TGFBR3: variants seen among roughly 807,000 people sequenced by gnomAD.
TGFBR3 encodes the protein transforming growth factor beta receptor type 3.
A neutral mutation model predicts 87.9 loss-of-function variants in TGFBR3; 46 were observed. That is an observed-to-expected ratio of 0.52 (90% CI 0.41 to 0.67). The LOEUF is 0.67. Among genes scored for constraint, TGFBR3 ranks in the 30% least tolerant of loss-of-function variants. The pLI is 0.00. For missense variants in TGFBR3, 866 were observed against 1,041.9 expected, an observed-to-expected ratio of 0.83 and a Z score of 2.32; for synonymous variants, 381 against 391.6, an observed-to-expected ratio of 0.97 and a Z score of 0.32.
intron 3 of TGFBR3, among the ~76,000 whole-genome samples, chr1:91,764,229 A>C (rs1674078997): frequency 6.6e-6 from 1 of 151,228 alleles, no homozygotes; most frequent in Non-Finnish European, 1.5e-5. Context: ...AGTCTATTTC[A>C]AAACTAATCT....
chr1:91,729,198 A>ACCC (rs1672669834), intron 6 of TGFBR3, among the ~76,000 whole-genome samples: 1 of 96,838 alleles, frequency 1.0e-5, no homozygotes, highest in Non-Finnish European at 2.4e-5. Context: ...CACACACACC[A>ACCC]AGCACACAAG....
chr1:91,686,247 A>G (rs971386582), intron 16 of TGFBR3, among the ~76,000 whole-genome samples: 1 of 152,188 alleles, frequency 6.6e-6, no homozygotes, highest in Admixed American at 6.5e-5. Flanking sequence ...ATTTGTTGCC[A>G]TGTCAGTTTA....
chr1:91,773,330 T>C (rs1674450884), intron 3 of TGFBR3, among the ~76,000 whole-genome samples: 2 of 152,064 alleles, frequency 1.3e-5, no homozygotes, highest in Non-Finnish European at 2.9e-5. Flanking sequence ...TGGCCACCTA[T>C]AAATCTAGAG....
At chr1:91,827,282 A>T (rs1428602415) in intron 2 of TGFBR3, among the ~76,000 whole-genome samples, 1 of 152,188 alleles carries the variant, frequency 6.6e-6, no homozygotes, top group Non-Finnish European at 1.5e-5. Flanking sequence ...CGGTTACGAC[A>T]TGGAATGGTA....
intron 5 of TGFBR3, among the ~76,000 whole-genome samples, chr1:91,734,420 T>A (rs1672884765): frequency 6.6e-6 from 1 of 152,226 alleles, no homozygotes; most frequent in African/African-American, 2.4e-5. Context: ...CTGCCAGCTC[T>A]TCCACTCCAT....
intron 14 of TGFBR3, among the ~76,000 whole-genome samples, chr1:91,706,764 T>A (rs1036726706): frequency 6.6e-6 from 1 of 152,224 alleles, no homozygotes; most frequent in African/African-American, 2.4e-5. Context: ...GAACCCTCTA[T>A]TGGGGTCTGA....
chr1:91,850,618 A>G (rs1288592362), intron 2 of TGFBR3, among the ~76,000 whole-genome samples: 1 of 151,972 alleles, frequency 6.6e-6, no homozygotes, highest in Non-Finnish European at 1.5e-5. Context: ...TCATCTCTAT[A>G]AAAGATCACA....
chr1:91,891,850 T>G (rs1679458378), intron 2 of TGFBR3, among the ~76,000 whole-genome samples: 1 of 152,240 alleles, frequency 6.6e-6, no homozygotes, highest in Non-Finnish European at 1.5e-5. Flanking sequence ...GTGTTTTATT[T>G]CATCATAACC....
intron 4 of TGFBR3, among the ~76,000 whole-genome samples, chr1:91,745,989 A>G (rs1673332718): frequency 6.6e-6 from 1 of 152,198 alleles, no homozygotes; most frequent in Admixed American, 6.5e-5. Context: ...GACTTAAAAC[A>G]TATTTGACTA....
intron 16 of TGFBR3, among the ~76,000 whole-genome samples, chr1:91,688,196 CCTA>C (rs1178605264): frequency 6.6e-6 from 1 of 152,194 alleles, no homozygotes; most frequent in Non-Finnish European, 1.5e-5. Flanking sequence ...CAATGTCCTG[CCTA>C]CTACTTTCTT....
chr1:91,879,026 T>G (rs1391220728), intron 1 of TGFBR3, among the ~76,000 whole-genome samples: 2 of 152,136 alleles, frequency 1.3e-5, no homozygotes, highest in Non-Finnish European at 2.9e-5. Flanking sequence ...CCCTGCACTT[T>G]GGGAGGCTGA....
At chr1:91,753,938 T>A (rs967601336) in intron 4 of TGFBR3, among the ~76,000 whole-genome samples, 1 of 152,202 alleles carries the variant, frequency 6.6e-6, no homozygotes, top group Non-Finnish European at 1.5e-5. Context: ...GGACATGTGT[T>A]TTGCTCAGTT....
chr1:91,792,526 G>C (rs566237827), intron 3 of TGFBR3, among the ~76,000 whole-genome samples: 3 of 152,240 alleles, frequency 2.0e-5, no homozygotes, highest in African/African-American at 7.2e-5. Flanking sequence ...TTCATAATAA[G>C]CAAGCAATTA....
chr1:91,808,471 T>C (rs1214988719), intron 2 of TGFBR3, among the ~76,000 whole-genome samples: 1 of 152,156 alleles, frequency 6.6e-6, no homozygotes, highest in Non-Finnish European at 1.5e-5. Flanking sequence ...TATTTTGTTT[T>C]GTTTTGTTTT....
intron 2 of TGFBR3, among the ~76,000 whole-genome samples, chr1:91,833,238 G>A (rs1030300365): frequency 6.8e-6 from 1 of 146,476 alleles, no homozygotes; most frequent in African/African-American, 2.5e-5. Context: ...GGAGGTTGCA[G>A]TGAGCCGAGA....
At chr1:91,885,026 G>A (rs1354721797) in intron 1 of TGFBR3, among the ~76,000 whole-genome samples, 1 of 152,240 alleles carries the variant, frequency 6.6e-6, no homozygotes, top group Non-Finnish European at 1.5e-5. Context: ...CTTACTCGGT[G>A]CCAAGCACTG....
intron 14 of TGFBR3, among the ~76,000 whole-genome samples, chr1:91,702,909 G>A (rs1671672672): frequency 6.6e-6 from 1 of 152,060 alleles, no homozygotes; most frequent in South Asian, 2.1e-4. Flanking sequence ...GCTGGGCGTG[G>A]TGGCAGGCAC....
intron 2 of TGFBR3, among the ~76,000 whole-genome samples, chr1:91,810,813 A>T (rs1394059080): frequency 6.6e-6 from 1 of 152,124 alleles, no homozygotes; most frequent in African/African-American, 2.4e-5. Flanking sequence ...CTTAGGATCA[A>T]CTCATTTTTA....
chr1:91,805,475 C>A (rs1229224931), intron 2 of TGFBR3, among the ~76,000 whole-genome samples: 2 of 152,204 alleles, frequency 1.3e-5, no homozygotes, highest in Non-Finnish European at 2.9e-5. Context: ...CCTTCACCCA[C>A]AAGATGCTAC....
Sources: gnomAD v4.1 joint callset for allele counts (sites outside exome capture counted in the v4.1 genomes callset) on GRCh38, gnomAD v4.1.1 for gene constraint, MANE v1.5 for transcripts, NCBI Gene and HGNC (gene_info 2026-07-23, HGNC 2026-07-21) for gene names.